The following ANO3 variants were observed in gnomAD, a reference collection of about 807,000 sequenced individuals.
The protein encoded by ANO3 is anoctamin-3.
ANO3 carries 99 observed loss-of-function variants against 144.8 expected under a neutral mutation model. The observed-to-expected ratio is 0.68, with a 90% CI of 0.58 to 0.81. The LOEUF is 0.81. ANO3 is among the 30% of genes least tolerant of loss of function. The pLI, the probability that ANO3 is intolerant of heterozygous loss-of-function variation, is 0.00. For missense variants in ANO3, 905 were observed against 1,202.2 expected, an observed-to-expected ratio of 0.75 and a Z score of 3.66; for synonymous variants, 414 against 392.6, an observed-to-expected ratio of 1.05 and a Z score of -0.64.
At chr11:26,463,282 T>A in intron 4 of ANO3, 134 bp downstream of exon 4, 1 of 463,612 alleles carries the variant, frequency 2.2e-6, no homozygotes, top group Middle Eastern at 5.7e-4. Context: ...TATTAAGAAC[T>A]CAGAAGCAAA....
intron 17 of ANO3, among the ~76,000 whole-genome samples, chr11:26,607,910 T>C (rs1187825292): frequency 1.3e-5 from 2 of 152,260 alleles, no homozygotes; most frequent in East Asian, 3.8e-4. Flanking sequence ...TGTTTGTTAT[T>C]ACTCATCTTC....
intron 1 of ANO3, among the ~76,000 whole-genome samples, chr11:26,408,470 AAAC>A (rs1428711687): frequency 6.6e-6 from 1 of 151,226 alleles, no homozygotes; most frequent in Admixed American, 6.6e-5. Flanking sequence ...AAAAGTCAGG[AAAC>A]AACAGGTGCT....
chr11:26,330,335 T>C (rs1422945234), upstream of ANO3, among the ~76,000 whole-genome samples: 1 of 152,202 alleles, frequency 6.6e-6, no homozygotes, highest in African/African-American at 2.4e-5. Flanking sequence ...CCCTCATCTA[T>C]ACAATATCTG....
chr11:26,595,295 A>G (rs1184157217), intron 14 of ANO3, among the ~76,000 whole-genome samples: 3 of 152,014 alleles, frequency 2.0e-5, no homozygotes, highest in African/African-American at 7.3e-5. Flanking sequence ...CATGCCCAAC[A>G]TTGCCTTTGG....
chr11:26,624,351 A>T (rs1852513934), intron 17 of ANO3, 111 bp from the exon 18 acceptor site: 1 of 704,526 alleles, frequency 1.4e-6, no homozygotes. Flanking sequence ...ATTTAAAGTA[A>T]AATGTAACCA....
At chr11:26,212,841 CA>C (rs1281436472) in intron 1 of ANO3, among the ~76,000 whole-genome samples, 2 of 152,000 alleles carry the variant, frequency 1.3e-5, no homozygotes, top group East Asian at 3.9e-4. Context: ...ATGTAAATTT[CA>C]GGCCAATATC....
chr11:26,240,232 TATTC>T (rs1852633422), intron 1 of ANO3, among the ~76,000 whole-genome samples: 1 of 152,208 alleles, frequency 6.6e-6, no homozygotes, highest in Non-Finnish European at 1.5e-5. Flanking sequence ...TTATTATTAT[TATTC>T]AGTGACTATA....
At chr11:26,190,820 C>A (rs553348866) in intron 1 of ANO3, among the ~76,000 whole-genome samples, 1 of 152,284 alleles carries the variant, frequency 6.6e-6, no homozygotes, top group Admixed American at 6.5e-5. Context: ...CCTTGCTATT[C>A]TGGCTATGCC....
intron 1 of ANO3, among the ~76,000 whole-genome samples, chr11:26,423,350 C>A (rs117014366): frequency 7.3e-6 from 1 of 137,510 alleles, no homozygotes; most frequent in East Asian, 2.2e-4. Flanking sequence ...ATCTACTTCC[C>A]CTGTGAATAA....
intron 4 of ANO3, among the ~76,000 whole-genome samples, chr11:26,495,354 C>G (rs1005092866): frequency 1.4e-4 from 21 of 151,124 alleles, no homozygotes; most frequent in African/African-American, 5.1e-4. Context: ...ATGAGATCTC[C>G]TGCCTCAGCC....
intron 1 of ANO3, among the ~76,000 whole-genome samples, chr11:26,207,696 A>C (rs963413544): frequency 5.9e-5 from 7 of 119,184 alleles, no homozygotes; most frequent in African/African-American, 1.9e-4. Flanking sequence ...ATTTTTAAAA[A>C]TGGATAATGC....
At chr11:26,565,243 C>T (rs1183832595) in intron 14 of ANO3, 3 of 1,511,886 alleles carry the variant, frequency 2.0e-6, no homozygotes, top group Admixed American at 2.1e-5. Flanking sequence ...GTTGTTTTTT[C>T]TTGATAAGGG....
intron 14 of ANO3, among the ~76,000 whole-genome samples, chr11:26,576,841 A>C (rs560145300): frequency 6.6e-6 from 1 of 152,356 alleles, no homozygotes; most frequent in African/African-American, 2.4e-5. Context: ...GGATAAACTT[A>C]TAAGTGAAAG....
At chr11:26,527,877 A>AC (rs34738200) in intron 7 of ANO3, among the ~76,000 whole-genome samples, 86,065 of 151,854 alleles carry the variant, frequency 0.57, 25,668 homozygotes, top group East Asian at 0.71. Context: ...AACAAAAAAG[A>AC]CTCCCTTATC....
chr11:26,306,785 T>C (rs146640781), upstream of ANO3, among the ~76,000 whole-genome samples: 739 of 152,358 alleles, frequency 4.9e-3, 4 homozygotes, highest in Non-Finnish European at 8.1e-3. Flanking sequence ...ACTTTGTCAA[T>C]GGAAAACATG....
chr11:26,444,675 A>T (rs1164845876), intron 3 of ANO3, among the ~76,000 whole-genome samples: 1 of 152,226 alleles, frequency 6.6e-6, no homozygotes, highest in South Asian at 2.1e-4. Flanking sequence ...TAAACATTTA[A>T]TATGGCCAGG....
intron 21 of ANO3, 105 bp from the exon 22 acceptor site, chr11:26,641,791 T>A: frequency 8.2e-7 from 1 of 1,213,024 alleles, no homozygotes; most frequent in Non-Finnish European, 1.1e-6. Context: ...TACCTCCAAT[T>A]CCGAGGAGCT....
intron 15 of ANO3, 64 bp downstream of exon 15, chr11:26,598,511 C>A: frequency 8.9e-7 from 1 of 1,123,850 alleles, no homozygotes; most frequent in Non-Finnish European, 1.3e-6. Flanking sequence ...AAAATTACTG[C>A]CCTAGCATTC....
chr11:26,449,272 A>T (rs1858824298), intron 3 of ANO3, among the ~76,000 whole-genome samples: 1 of 152,112 alleles, frequency 6.6e-6, no homozygotes, highest in African/African-American at 2.4e-5. Context: ...TCTTCATAAT[A>T]CTTATTACCT....
Sources: gnomAD v4.1 joint callset for allele counts (sites outside exome capture counted in the v4.1 genomes callset) on GRCh38, gnomAD v4.1.1 for gene constraint, MANE v1.5 for transcripts, NCBI Gene and HGNC (gene_info 2026-07-23, HGNC 2026-07-21) for gene names.